Variants in SLC30A7 observed in about 807,000 individuals in gnomAD.
The protein encoded by SLC30A7 is solute carrier family 30 member 7, also known as zinc transporter 7.
In SLC30A7, 35 loss-of-function variants were observed where a neutral mutation model predicts 46.0. The ratio of observed to expected loss-of-function variants is 0.76; its 90% confidence interval spans 0.58 to 1.01. The LOEUF (loss-of-function observed/expected upper bound fraction) is 1.01. SLC30A7 is among the 50% of genes least tolerant of loss of function. The pLI is 0.00. For synonymous variants in SLC30A7, 147 were observed against 157.8 expected (o/e 0.93, Z 0.51); for missense variants, 464 against 451.1 (o/e 1.03, Z -0.26).
chr1:100,928,025 G>T (rs1014040561), intron 8 of SLC30A7, among the ~76,000 whole-genome samples: 1 of 152,132 alleles, frequency 6.6e-6, no homozygotes, highest in East Asian at 1.9e-4. Flanking sequence ...AGCATATAGA[G>T]ACCTGATGAT....
chr1:100,907,125 G>A (rs1446965704), intron 3 of SLC30A7, among the ~76,000 whole-genome samples, 160 bp downstream of exon 3: 1 of 152,048 alleles, frequency 6.6e-6, no homozygotes, highest in African/African-American at 2.4e-5. Context: ...CCTCCCCAAG[G>A]GTAACCACTT....
At chr1:100,913,624 AT>A in intron 5 of SLC30A7, 38 bp from the exon 6 acceptor site, 1 of 1,493,240 alleles carries the variant, frequency 6.7e-7, no homozygotes, top group Non-Finnish European at 9.3e-7. Flanking sequence ...TATATAATAT[AT>A]TTTTACATAC....
intron 8 of SLC30A7, among the ~76,000 whole-genome samples, chr1:100,955,936 T>G (rs1655196034): frequency 6.6e-6 from 1 of 152,134 alleles, no homozygotes; most frequent in Non-Finnish European, 1.5e-5. Context: ...GCATTATTTT[T>G]AAATTGCTAT....
chr1:100,900,196 T>A (rs1651221619), intron 2 of SLC30A7, among the ~76,000 whole-genome samples: 1 of 152,248 alleles, frequency 6.6e-6, no homozygotes, highest in African/African-American at 2.4e-5. Context: ...TTTATGTTCT[T>A]ACATTTTTAC....
chr1:100,974,728 A>C, intron 10 of SLC30A7, 82 bp from the exon 11 acceptor site: 2 of 1,039,374 alleles, frequency 1.9e-6, no homozygotes, highest in Non-Finnish European at 2.7e-6. Flanking sequence ...AGATTTGTAA[A>C]AGAAAAAAAA....
At chr1:100,941,885 C>T (rs1308286003) in intron 8 of SLC30A7, 1 of 389,636 alleles carries the variant, frequency 2.6e-6, no homozygotes, top group Non-Finnish European at 4.8e-6. Flanking sequence ...TTCCCCATTG[C>T]TCGGAATGGC....
At chr1:100,902,335 C>T (rs551002612) in intron 2 of SLC30A7, among the ~76,000 whole-genome samples, 13 of 151,936 alleles carry the variant, frequency 8.6e-5, no homozygotes, top group South Asian at 2.1e-4. Flanking sequence ...TTAAAATTGC[C>T]GTGCTATATC....
chr1:100,938,206 T>C (rs1248282721), intron 8 of SLC30A7, among the ~76,000 whole-genome samples: 1 of 152,220 alleles, frequency 6.6e-6, no homozygotes, highest in Non-Finnish European at 1.5e-5. Flanking sequence ...TTGACTATTA[T>C]GGGTTTCTTG....
intron 6 of SLC30A7, 29 bp from the exon 7 acceptor site, chr1:100,918,048 A>G (rs1421164757): frequency 1.9e-6 from 3 of 1,586,320 alleles, no homozygotes; most frequent in African/African-American, 1.3e-5. Flanking sequence ...AATTGAAAAC[A>G]TGTTTTAAAA....
Position 100,918,086 on chromosome 1 carries a change from C to G in SLC30A7, c.665C>G (p.Ser222Cys), listed in dbSNP as rs369916305. The G allele has an allele frequency of 4.0e-5, 64 of 1,611,904 alleles. No homozygotes were observed. The highest frequency in any genetic ancestry group is 5.4e-5 in the Non-Finnish European group (64 of 1,178,698). ...HGHFHSHDGPSLKETTGPSRQ... is the reference protein window; with the variant it reads ...HGHFHSHDGPCLKETTGPSRQ... ...ACTTAATTCTCTACAGATGGCCCGT[C>G]CTTAAAAGAAACAACAGGACCCAGC... The change falls in exon 7 of 11, where the codon TCC becomes TGC. Residue 222 changes from serine (S) to cysteine (C), a missense_variant. Ser to Cys is a moderately radical substitution (Grantham distance 112). Transcript: ENST00000357650.
chr1:100,941,807 C>T (rs1654367248), intron 8 of SLC30A7: 1 of 569,576 alleles, frequency 1.8e-6, no homozygotes, highest in Non-Finnish European at 3.3e-6. Context: ...GAGTGGCATA[C>T]GTGACAAACC....
At chr1:100,940,347 G>A (rs767103059) in intron 8 of SLC30A7, among the ~76,000 whole-genome samples, 88 of 152,204 alleles carry the variant, frequency 5.8e-4, no homozygotes, top group Non-Finnish European at 9.6e-4. Flanking sequence ...ACGGTAGCAT[G>A]AGAATATTAA....
At chr1:100,897,647 A>G (rs1257649648) in intron 2 of SLC30A7, among the ~76,000 whole-genome samples, 1 of 152,216 alleles carries the variant, frequency 6.6e-6, no homozygotes, top group Non-Finnish European at 1.5e-5. Context: ...TTGAGATCAA[A>G]CATTGACAGG....
At chr1:100,936,728 AC>A (rs749265017) in intron 8 of SLC30A7, among the ~76,000 whole-genome samples, 3 of 152,170 alleles carry the variant, frequency 2.0e-5, no homozygotes, top group Non-Finnish European at 4.4e-5. Flanking sequence ...AAATTCTGTA[AC>A]CATTAAGCAA....
Position 100,978,488 on chromosome 1 carries a change from C to T in SLC30A7, c.*3631C>T, listed in dbSNP as rs555190177. 7 of 152,258 alleles carry T rather than the reference C, an allele frequency of 4.6e-5. No individual in the cohort carries two copies. Among genetic ancestry groups the T allele is most frequent in the South Asian group, 4.1e-4 (2 of 4,828 alleles). The allele number at this position is 152,258 out of a possible 1,614,324, so 9.4% of individuals were successfully genotyped here. A position where few individuals can be genotyped will look rare whatever the true frequency, so the allele number is the denominator to read the frequency against. ...TCTAAGCAAGGACTGGCTTTAGAAG[C>T]AGTGTAGTTCTACCTCTCATTTTAC... On this transcript the variant is annotated 3_prime_UTR_variant, in exon 11 of 11. Transcript: ENST00000357650.
intron 6 of SLC30A7, among the ~76,000 whole-genome samples, chr1:100,916,425 T>A (rs1312878922): frequency 6.6e-6 from 1 of 152,144 alleles, no homozygotes; most frequent in African/African-American, 2.4e-5. Flanking sequence ...GACATCGTGA[T>A]CCACCTGCCT....
chr1:100,913,560 G>C, intron 5 of SLC30A7, 103 bp from the exon 6 acceptor site: 1 of 800,974 alleles, frequency 1.2e-6, no homozygotes. Flanking sequence ...TTATTGAATT[G>C]ATCTGAGTTT....
chr1:100,942,471 C>T (rs1012791058), intron 8 of SLC30A7, among the ~76,000 whole-genome samples: 1 of 152,184 alleles, frequency 6.6e-6, no homozygotes, highest in Admixed American at 6.5e-5. Context: ...TTCTCTCACC[C>T]AGCAACAATC....
intron 10 of SLC30A7, among the ~76,000 whole-genome samples, chr1:100,973,953 A>G (rs1368974481): frequency 6.6e-6 from 1 of 152,186 alleles, no homozygotes; most frequent in Non-Finnish European, 1.5e-5. Context: ...AGATTGGTTG[A>G]AATGAGTTCA....
Sources: allele counts gnomAD v4.1 joint callset (sites outside exome capture counted in the v4.1 genomes callset), GRCh38; gene constraint gnomAD v4.1.1; transcripts MANE v1.5; gene names NCBI Gene and HGNC (gene_info 2026-07-23, HGNC 2026-07-21).